The following WIPI2 variants were observed in gnomAD, a reference collection of about 807,000 sequenced individuals.
WIPI2 encodes WD repeat domain, phosphoinositide interacting 2.
A neutral mutation model predicts 52.3 loss-of-function variants in WIPI2; 28 were observed. The ratio of observed to expected loss-of-function variants is 0.54; its 90% CI spans 0.40 to 0.73. The LOEUF is 0.73. Ranked by LOEUF, WIPI2 falls within the 30% of genes least tolerant of loss-of-function variation. The probability of loss-of-function intolerance (pLI) is 0.00; values close to 1 mark genes in which losing one functional copy is unlikely to be tolerated. For missense variants in WIPI2, 506 were observed against 602.9 expected (o/e 0.84, Z 1.68); for synonymous variants, 268 against 245.0 (o/e 1.09, Z -0.88).
chr7:5,202,486 C>T (rs56358097), intron 3 of WIPI2, among the ~76,000 whole-genome samples: 4,794 of 152,134 alleles, frequency 0.032, 251 homozygotes, highest in African/African-American at 0.11. Flanking sequence ...TGGGCTCAAG[C>T]GATCCTCCCT....
At chr7:5,190,957 C>T (rs965036053) in intron 1 of WIPI2, 26 of 156,708 alleles carry the variant, frequency 1.7e-4, no homozygotes, top group Non-Finnish European at 3.5e-4. Flanking sequence ...TCTTAAGACC[C>T]TTCTCTCTCT....
chr7:5,216,752 C>T (rs968956408), intron 5 of WIPI2, 93 bp downstream of exon 5: 1 of 1,232,320 alleles, frequency 8.1e-7, no homozygotes, highest in African/African-American at 1.5e-5. Flanking sequence ...TTTATAGGTT[C>T]CGCAGATGAG....
intron 3 of WIPI2, chr7:5,214,230 T>C: frequency 1.5e-6 from 2 of 1,308,270 alleles, no homozygotes; most frequent in Non-Finnish European, 2.0e-6. Flanking sequence ...TCACTTTACC[T>C]AGGAGTTTGG....
chr7:5,211,847 T>TA (rs1471668510), intron 3 of WIPI2, among the ~76,000 whole-genome samples: 1 of 152,200 alleles, frequency 6.6e-6, no homozygotes, highest in African/African-American at 2.4e-5. Context: ...ATGTGATTGT[T>TA]AAACTCGCCT....
intron 3 of WIPI2, among the ~76,000 whole-genome samples, chr7:5,208,964 C>G (rs889440168): frequency 6.2e-5 from 9 of 146,196 alleles, no homozygotes; most frequent in African/African-American, 2.0e-4. Context: ...TATGGTATAT[C>G]TCTTCATTTA....
In WIPI2 at chr7:5,227,146, G is replaced by T. The variant is rs1311190105; in HGVS notation, c.849-34G>T. On this transcript the variant is annotated intron_variant, in intron 9 of 12. Coordinates refer to ENST00000288828, the MANE Select transcript of WIPI2 (RefSeq NM_015610.4). The surrounding 1 kb of genome is among the most constrained non-coding windows in gnomAD (Gnocchi z 8.1). ...GGGTGGCCGTCCCCCCAGGGAGGGT[G>T]CAGCTTCATGTGTCTGGTGGCCTTT... The T allele has an allele frequency of 6.2e-7, 1 of 1,612,752 alleles. No individual in the cohort carries two copies. The highest frequency in any genetic ancestry group is 1.7e-5 in the Admixed American group (1 of 59,982).
chr7:5,196,326 G>C (rs28514595), intron 2 of WIPI2, among the ~76,000 whole-genome samples: 5,147 of 152,154 alleles, frequency 0.034, 114 homozygotes, highest in Middle Eastern at 0.1. Flanking sequence ...TCCAGCCTGG[G>C]CGACAGAGCA....
intron 3 of WIPI2, among the ~76,000 whole-genome samples, chr7:5,201,922 T>C (rs1782047289): frequency 6.6e-6 from 1 of 152,114 alleles, no homozygotes; most frequent in African/African-American, 2.4e-5. Flanking sequence ...ATTCCAAGAA[T>C]ATTATCTGCC....
At chr7:5,207,940 A>G (rs1782371935) in intron 3 of WIPI2, among the ~76,000 whole-genome samples, 1 of 151,722 alleles carries the variant, frequency 6.6e-6, no homozygotes, top group Non-Finnish European at 1.5e-5. Flanking sequence ...TAATTTTTGT[A>G]TTTTTGGTAG....
intron 2 of WIPI2, among the ~76,000 whole-genome samples, chr7:5,193,817 A>T (rs1202933402): frequency 6.6e-6 from 1 of 151,932 alleles, no homozygotes; most frequent in Non-Finnish European, 1.5e-5. Flanking sequence ...GCCTCATGCG[A>T]TCTTCCTGCC....
chr7:5,201,823 A>G (rs1358189293), intron 3 of WIPI2, among the ~76,000 whole-genome samples: 1 of 152,234 alleles, frequency 6.6e-6, no homozygotes, highest in African/African-American at 2.4e-5. Context: ...TGTTCTTCTT[A>G]GTGAACTTTG....
At chr7:5,214,223 C>T in intron 3 of WIPI2, 2 of 1,286,536 alleles carry the variant, frequency 1.6e-6, no homozygotes, top group Non-Finnish European at 2.0e-6. Flanking sequence ...TACTCTTTCA[C>T]TTTACCTAGG....
intron 3 of WIPI2, among the ~76,000 whole-genome samples, chr7:5,201,162 G>A (rs1380087060): frequency 6.6e-6 from 1 of 152,234 alleles, no homozygotes; most frequent in African/African-American, 2.4e-5. Flanking sequence ...TTTCTGCAGT[G>A]GAGGGCAGCC....
intron 3 of WIPI2, among the ~76,000 whole-genome samples, chr7:5,212,141 C>T (rs1782590868): frequency 6.6e-6 from 1 of 152,124 alleles, no homozygotes; most frequent in Admixed American, 6.6e-5. Context: ...CCATTCCATC[C>T]GTTCAGCCAG....
rs1285736720 is a variant in WIPI2, at chr7:5,214,767, C to A, written c.381+63C>A. ...GCTCCCTCCAGCACTCTGGGACAAGCCCACCCCACCGGCATGCCCCTCCGT... is the reference window on the plus strand; with the variant it reads ...GCTCCCTCCAGCACTCTGGGACAAGACCACCCCACCGGCATGCCCCTCCGT... On this transcript the variant is annotated intron_variant, in intron 4 of 12. Coordinates refer to ENST00000288828, the MANE Select transcript of WIPI2 (RefSeq NM_015610.4). The A allele has an allele frequency of 1.9e-6, 3 of 1,572,438 alleles. No homozygotes were observed. The African/African-American group carries it at 4.0e-5, about 21-fold the overall frequency.
At chr7:5,216,530 T>C (rs1441084891) in intron 4 of WIPI2, 33 bp from the exon 5 acceptor site, 1 of 1,599,052 alleles carries the variant, frequency 6.3e-7, no homozygotes, top group Admixed American at 1.7e-5. Context: ...TGGCCGTTGC[T>C]TCACGTTTGG....
intron 7 of WIPI2, chr7:5,219,042 C>G (rs1012098618): frequency 6.6e-6 from 1 of 152,200 alleles, no homozygotes; most frequent in African/African-American, 2.4e-5. Flanking sequence ...GCTTTCCTGC[C>G]TGGGCCTTTG....
intron 8 of WIPI2, among the ~76,000 whole-genome samples, chr7:5,223,044 G>A (rs1042294128): frequency 1.3e-5 from 2 of 152,180 alleles, no homozygotes; most frequent in Non-Finnish European, 2.9e-5. Flanking sequence ...CAGCTCTCCA[G>A]CTCCGCCTCC....
Position 5,193,153 on chromosome 7 carries a change from G to C in WIPI2, c.110G>C (p.Gly37Ala), listed in dbSNP as rs759543570. Residue 37 changes from glycine (G) to alanine (A), a missense_variant, in exon 2 of 13, where the codon GGC becomes GCC. This residue lies in a region of WIPI2 where 60 missense variants were observed against 49.7 expected (regional missense o/e 1.21). Transcript: ENST00000288828. The part of the protein sequence containing the change: ...VKGASRAAGL[G>A]RRAVVWSLAV... ...GGGGCATCAAGAGCAGCTGGTCTTG[G>C]CCGTCGCGCTGTTGTCTGGTTAGTT... is the stretch of plus-strand genomic sequence containing the variant. The C allele has an allele frequency of 2.5e-6, 4 of 1,613,804 alleles. No individual in the cohort carries two copies. The South Asian group carries it at 4.4e-5, about 18-fold the overall frequency.
Sources: gnomAD v4.1 joint callset for allele counts (sites outside exome capture counted in the v4.1 genomes callset) on GRCh38, gnomAD v4.1.1 for gene constraint, gnomAD v4.1.1 regional missense constraint, Gnocchi (gnomAD v3.1) non-coding constraint, MANE v1.5 for transcripts, NCBI Gene and HGNC (gene_info 2026-07-23, HGNC 2026-07-21) for gene names.